NPAS3: variants seen among roughly 807,000 people sequenced by gnomAD.
NPAS3 encodes neuronal PAS domain protein 3.
NPAS3 carries 14 observed loss-of-function variants against 73.1 expected under a neutral mutation model. The observed-to-expected ratio is 0.19, with a 90% CI of 0.13 to 0.30. The LOEUF (loss-of-function observed/expected upper bound fraction) is 0.30. Ranked by LOEUF, NPAS3 falls within the 10% of genes least tolerant of loss-of-function variation. The pLI, the probability that NPAS3 is intolerant of heterozygous loss-of-function variation, is 1.00. For missense variants in NPAS3, 1,096 were observed against 1,250.0 expected, an observed-to-expected ratio of 0.88 and a Z score of 1.86; for synonymous variants, 620 against 541.5, an observed-to-expected ratio of 1.14 and a Z score of -2.01.
intron 4 of NPAS3, among the ~76,000 whole-genome samples, chr14:33,493,324 CTTTTT>C (rs202231064): frequency 1.4e-5 from 2 of 141,728 alleles, no homozygotes; most frequent in Non-Finnish European, 3.1e-5. Context: ...CTCTCTTAGT[CTTTTT>C]TTTTTTTTTC....
intron 2 of NPAS3, among the ~76,000 whole-genome samples, chr14:33,140,050 A>C (rs2139168321): frequency 6.6e-6 from 1 of 151,452 alleles, no homozygotes; most frequent in South Asian, 2.1e-4. Flanking sequence ...TTATAGTAGT[A>C]CTCCCTTATT....
Position 33,018,444 on chromosome 14 carries a change from A to C in NPAS3, c.51-37461A>C, listed in dbSNP as rs191135531. 5.3e-4 allele frequency among the ~76,000 whole-genome samples: 80 copies of C among 152,302 alleles called. 2 individuals carry two copies. Among genetic ancestry groups the C allele is most frequent in the Admixed American group, 5.2e-3 (80 of 15,302 alleles). On this transcript the variant is annotated intron_variant, in intron 1 of 11. Transcript: ENST00000356141. ...GTCATGGCAGAGGCAGGACTTTCTG[A>C]GAGATACAATAGAGGAAATTCCCAA... is the stretch of plus-strand genomic sequence containing the variant.
At chr14:33,498,144 G>A (rs112146416) in intron 4 of NPAS3, among the ~76,000 whole-genome samples, 2,755 of 152,174 alleles carry the variant, frequency 0.018, 81 homozygotes, top group African/African-American at 0.06. Context: ...GCTATGAGAT[G>A]CTATCTCCCA....
intron 2 of NPAS3, among the ~76,000 whole-genome samples, chr14:33,178,843 C>G (rs1026563901): frequency 2.0e-5 from 3 of 152,146 alleles, no homozygotes; most frequent in Non-Finnish European, 4.4e-5. Context: ...TCAGTAACTT[C>G]CAGTACAATG....
At chr14:32,980,446 G>T (rs1280447903) in intron 1 of NPAS3, among the ~76,000 whole-genome samples, 1 of 152,156 alleles carries the variant, frequency 6.6e-6, no homozygotes, top group Non-Finnish European at 1.5e-5. Flanking sequence ...AATGGAATTT[G>T]CATGAGAACC....
chr14:33,609,450 C>T (rs952278801), intron 5 of NPAS3, among the ~76,000 whole-genome samples: 1 of 152,104 alleles, frequency 6.6e-6, no homozygotes, highest in Admixed American at 6.5e-5. Flanking sequence ...TGGGTTATTC[C>T]CTTTTTCCTT....
intron 3 of NPAS3, among the ~76,000 whole-genome samples, chr14:33,250,203 G>A (rs894606488): frequency 6.6e-6 from 1 of 151,968 alleles, no homozygotes; most frequent in Admixed American, 6.6e-5. Context: ...ACAGCTTTTG[G>A]AACCTAATAA....
intron 4 of NPAS3, among the ~76,000 whole-genome samples, chr14:33,437,734 T>G (rs1000227138): frequency 6.6e-6 from 1 of 152,198 alleles, no homozygotes; most frequent in Non-Finnish European, 1.5e-5. Flanking sequence ...ATAGACACTG[T>G]CAAATCGACA....
intron 4 of NPAS3, among the ~76,000 whole-genome samples, chr14:33,502,839 T>C (rs2052583161): frequency 6.6e-6 from 1 of 151,960 alleles, no homozygotes; most frequent in African/African-American, 2.4e-5. Flanking sequence ...TTCTTACCAA[T>C]CCGTCTCTGC....
intron 3 of NPAS3, among the ~76,000 whole-genome samples, chr14:33,235,244 C>G (rs1279844655): frequency 6.6e-6 from 1 of 152,114 alleles, no homozygotes; most frequent in Non-Finnish European, 1.5e-5. Flanking sequence ...AATCTTTTCA[C>G]TCTTTTTTTG....
intron 5 of NPAS3, among the ~76,000 whole-genome samples, chr14:33,646,208 G>T (rs914998798): frequency 1.3e-5 from 2 of 152,158 alleles, no homozygotes; most frequent in African/African-American, 4.8e-5. Flanking sequence ...AGGAAGGAGG[G>T]AAGGGATGTG....
chr14:33,688,190 T>C (rs894624189), intron 6 of NPAS3, among the ~76,000 whole-genome samples: 9 of 152,188 alleles, frequency 5.9e-5, no homozygotes, highest in African/African-American at 1.7e-4. Context: ...GTGGTAAGCA[T>C]AGTACCCAAT....
intron 5 of NPAS3, among the ~76,000 whole-genome samples, chr14:33,656,035 T>C (rs2059135965): frequency 6.6e-6 from 1 of 152,218 alleles, no homozygotes; most frequent in African/African-American, 2.4e-5. Flanking sequence ...CATTACCAGA[T>C]GCCTCTCTTG....
At chr14:33,303,482 C>G (rs1295161135) in intron 3 of NPAS3, among the ~76,000 whole-genome samples, 2 of 151,318 alleles carry the variant, frequency 1.3e-5, no homozygotes, top group Admixed American at 1.3e-4. Context: ...TGTAAAGAAA[C>G]ATGAATATAC....
chr14:33,425,850 A>T (rs1342725430), intron 4 of NPAS3, among the ~76,000 whole-genome samples: 1 of 152,066 alleles, frequency 6.6e-6, no homozygotes, highest in Non-Finnish European at 1.5e-5. Context: ...CAGCATCAGC[A>T]CCTCACGGGA....
intron 3 of NPAS3, among the ~76,000 whole-genome samples, chr14:33,335,134 A>G (rs754060934): frequency 6.6e-6 from 1 of 151,318 alleles, no homozygotes; most frequent in African/African-American, 2.4e-5. Flanking sequence ...TGTTTTTGCA[A>G]TTGCAAATTG....
At chr14:33,600,742 T>C (rs2057376417) in intron 5 of NPAS3, among the ~76,000 whole-genome samples, 1 of 152,010 alleles carries the variant, frequency 6.6e-6, no homozygotes, top group African/African-American at 2.4e-5. Flanking sequence ...AACTCACAGG[T>C]CCATTAATAA....
At chr14:33,236,399 A>G (rs988181065) in intron 3 of NPAS3, among the ~76,000 whole-genome samples, 1 of 152,078 alleles carries the variant, frequency 6.6e-6, no homozygotes, top group Non-Finnish European at 1.5e-5. Context: ...TTCTTAATTT[A>G]GAATTGAAAG....
At chr14:33,004,945 C>T (rs1025615331) in intron 1 of NPAS3, among the ~76,000 whole-genome samples, 2 of 151,142 alleles carry the variant, frequency 1.3e-5, no homozygotes, top group African/African-American at 4.9e-5. Context: ...CACATCTTGT[C>T]CCACTGGAAG....
Sources: allele counts gnomAD v4.1 joint callset (sites outside exome capture counted in the v4.1 genomes callset), GRCh38; gene constraint gnomAD v4.1.1; transcripts MANE v1.5; gene names NCBI Gene and HGNC (gene_info 2026-07-23, HGNC 2026-07-21).